MOB3B: variants seen among roughly 807,000 people sequenced by gnomAD.
MOB3B encodes the protein MOB kinase activator-like 2B.
MOB3B carries 7 observed loss-of-function variants against 18.7 expected under a neutral mutation model. The ratio of observed to expected loss-of-function variants is 0.37; its 90% CI spans 0.21 to 0.70. The LOEUF is 0.70. MOB3B is among the 30% of genes least tolerant of loss of function. The pLI is 0.52. For missense variants in MOB3B, 253 were observed against 281.3 expected, an observed-to-expected ratio of 0.90 and a Z score of 0.72; for synonymous variants, 111 against 99.9, an observed-to-expected ratio of 1.11 and a Z score of -0.66.
intron 1 of MOB3B, among the ~76,000 whole-genome samples, chr9:27,477,743 T>G (rs1376450479): frequency 6.6e-6 from 1 of 152,180 alleles, no homozygotes; most frequent in Non-Finnish European, 1.5e-5. Flanking sequence ...AGGCCAGAAA[T>G]GAAGCCAGAA....
chr9:27,414,135 C>T (rs1822113404), intron 2 of MOB3B, among the ~76,000 whole-genome samples: 1 of 152,148 alleles, frequency 6.6e-6, no homozygotes, highest in Non-Finnish European at 1.5e-5. Context: ...CGGCTGCTTC[C>T]CCAGGGAAAA....
chr9:27,342,657 G>T (rs964522216), intron 3 of MOB3B, among the ~76,000 whole-genome samples: 1 of 152,174 alleles, frequency 6.6e-6, no homozygotes, highest in African/African-American at 2.4e-5. Context: ...TGGTGGAGAC[G>T]GGGTTTCGCC....
chr9:27,455,080 A>C (rs1399525717), intron 2 of MOB3B, 53 bp downstream of exon 2: 3 of 1,602,306 alleles, frequency 1.9e-6, no homozygotes, highest in Non-Finnish European at 2.6e-6. Flanking sequence ...GCAAATTTTC[A>C]TAGTGAAGAT....
intron 2 of MOB3B, among the ~76,000 whole-genome samples, chr9:27,420,596 T>C (rs896233251): frequency 1.1e-5 from 1 of 88,154 alleles, no homozygotes; most frequent in African/African-American, 4.5e-5. Context: ...TATATATATA[T>C]GGAATACTAC....
At position 27,469,117 on chromosome 9, in the gene MOB3B, A is replaced by C. The variant is rs548732473; in HGVS notation, c.-198-13369T>G. On this transcript the variant is annotated intron_variant, in intron 1 of 3. Transcript: ENST00000262244. ...GGAAAAAATAATGGGGAAGAGAGCA[A>C]GCTAATCAACTTGGGAATTTTTCTT... Among the ~76,000 whole-genome samples, 12 of 152,264 alleles carry C rather than the reference A, an allele frequency of 7.9e-5. No homozygotes were observed. In the South Asian group the frequency reaches 2.5e-3, roughly 32 times the overall value.
intron 3 of MOB3B, among the ~76,000 whole-genome samples, chr9:27,345,825 G>A (rs1330056888): frequency 1.3e-5 from 2 of 152,216 alleles, no homozygotes; most frequent in Non-Finnish European, 2.9e-5. Context: ...AGCACACACT[G>A]CTGAGACAGG....
At chr9:27,465,667 A>T (rs1414606788) in intron 1 of MOB3B, among the ~76,000 whole-genome samples, 1 of 152,158 alleles carries the variant, frequency 6.6e-6, no homozygotes, top group Non-Finnish European at 1.5e-5. Flanking sequence ...TTGCCTGGGT[A>T]TCCAGGCATG....
intron 1 of MOB3B, among the ~76,000 whole-genome samples, chr9:27,477,704 C>T (rs1213736105): frequency 6.6e-6 from 1 of 152,196 alleles, no homozygotes. Flanking sequence ...CCTCATATAC[C>T]TGTAAGACAT....
chr9:27,361,606 T>G (rs1272816023), intron 2 of MOB3B, among the ~76,000 whole-genome samples: 1 of 152,184 alleles, frequency 6.6e-6, no homozygotes, highest in African/African-American at 2.4e-5. Flanking sequence ...CTTACTATGT[T>G]CTAGGAACTG....
chr9:27,484,550 G>A (rs1289424060), intron 1 of MOB3B, among the ~76,000 whole-genome samples: 6 of 152,136 alleles, frequency 3.9e-5, no homozygotes, highest in African/African-American at 1.4e-4. Context: ...TAAAGAATTT[G>A]AAAATATTTT....
intron 1 of MOB3B, among the ~76,000 whole-genome samples, chr9:27,471,824 G>A (rs1383701107): frequency 2.6e-5 from 4 of 152,044 alleles, no homozygotes; most frequent in Non-Finnish European, 5.9e-5. Context: ...AGATCCCACA[G>A]GCTGCTACGT....
intron 1 of MOB3B, among the ~76,000 whole-genome samples, chr9:27,505,861 AT>A (rs1241315754): frequency 2.6e-5 from 4 of 152,078 alleles, no homozygotes; most frequent in Non-Finnish European, 5.9e-5. Context: ...CCGTAGAGCC[AT>A]TTTTTCCCCC....
chr9:27,413,670 G>A (rs1822107110), intron 2 of MOB3B, among the ~76,000 whole-genome samples: 1 of 152,210 alleles, frequency 6.6e-6, no homozygotes, highest in Non-Finnish European at 1.5e-5. Flanking sequence ...AGAAATGACA[G>A]TGAAGAGAAA....
At chr9:27,352,761 G>A (rs1165394810) in intron 3 of MOB3B, among the ~76,000 whole-genome samples, 1 of 152,178 alleles carries the variant, frequency 6.6e-6, no homozygotes, top group Non-Finnish European at 1.5e-5. Context: ...GTGTTCCATG[G>A]ATCATGATAT....
At chr9:27,343,804 T>C (rs1266390922) in intron 3 of MOB3B, among the ~76,000 whole-genome samples, 1 of 151,008 alleles carries the variant, frequency 6.6e-6, no homozygotes, top group Non-Finnish European at 1.5e-5. Context: ...GCATTGAAAA[T>C]TGGTAGCAGC....
intron 1 of MOB3B, among the ~76,000 whole-genome samples, chr9:27,493,535 G>T (rs919892267): frequency 6.6e-6 from 1 of 152,104 alleles, no homozygotes; most frequent in Non-Finnish European, 1.5e-5. Flanking sequence ...CAGCTACTCG[G>T]GAGGCTGAGG....
chr9:27,469,663 TCA>T (rs1031873286), intron 1 of MOB3B, among the ~76,000 whole-genome samples: 5 of 152,154 alleles, frequency 3.3e-5, no homozygotes, highest in African/African-American at 1.2e-4. Flanking sequence ...ATTTAAAGGT[TCA>T]CAGTTAGGAC....
intron 2 of MOB3B, among the ~76,000 whole-genome samples, chr9:27,448,461 G>C (rs1822728735): frequency 1.3e-5 from 2 of 152,160 alleles, no homozygotes; most frequent in Non-Finnish European, 2.9e-5. Context: ...CGTCTTACTT[G>C]GCAGCAGACA....
chr9:27,435,841 T>A (rs781348917), intron 2 of MOB3B, among the ~76,000 whole-genome samples: 1 of 152,142 alleles, frequency 6.6e-6, no homozygotes, highest in African/African-American at 2.4e-5. Context: ...CCTCAAGTGA[T>A]CCACCTGACT....
Sources: gnomAD v4.1 joint callset for allele counts (sites outside exome capture counted in the v4.1 genomes callset) on GRCh38, gnomAD v4.1.1 for gene constraint, MANE v1.5 for transcripts, NCBI Gene and HGNC (gene_info 2026-07-23, HGNC 2026-07-21) for gene names.